The following SH2D3C variants were observed in gnomAD, a reference collection of about 807,000 sequenced individuals.
The protein encoded by SH2D3C is SH2 domain containing 3C.
In SH2D3C, 25 loss-of-function variants were observed where a neutral mutation model predicts 75.2. That is an observed-to-expected ratio of 0.33 (90% CI 0.24 to 0.46). The LOEUF is 0.46. Ranked by LOEUF, SH2D3C falls within the 20% of genes least tolerant of loss-of-function variation. The pLI is 1.00. For synonymous variants in SH2D3C, 450 were observed against 473.7 expected, an observed-to-expected ratio of 0.95 and a Z score of 0.65; for missense variants, 933 against 1,165.3, an observed-to-expected ratio of 0.80 and a Z score of 2.90.
chr9:127,747,143 A>T lies in SH2D3C; in HGVS notation c.1264+4T>A, dbSNP rs1222328062. On this transcript the variant is annotated splice_donor_region_variant and intron_variant, in intron 6 of 11. Transcript: ENST00000314830. ...ACCTGCTCCACCCCCTCTGCTGGCC[A>T]TACCAGTGCTGTAGGCAGGGGAGCT... 1.2e-6 allele frequency: 2 copies of T among 1,613,362 alleles called. No individual in the cohort carries two copies. The highest frequency in any genetic ancestry group is 4.5e-5 in the East Asian group (2 of 44,880).
At position 127,774,078 on chromosome 9, in the gene SH2D3C, C is replaced by T. The variant is rs1261772999; in HGVS notation, c.427G>A (p.Ala143Thr). 2 of 1,614,192 alleles carry T rather than the reference C, an allele frequency of 1.2e-6. No homozygotes were observed. The highest frequency in any genetic ancestry group is 2.2e-5 in the East Asian group (1 of 44,884). Residue 143 changes from alanine (A) to threonine (T), a missense_variant, in exon 2 of 12, where the codon GCA (alanine) becomes ACA (threonine). Physicochemically the swap from Ala to Thr is moderately conservative, Grantham distance 58. Transcript: ENST00000314830. The surrounding 1 kb of genome is among the most constrained non-coding windows in gnomAD (Gnocchi z 4.3). ...TTTCTGATGGGGTCTACCTCCACTG[C>T]TGAAGGGTTGGGTTCCATTGCTGGG... is the stretch of plus-strand genomic sequence containing the variant. ...DTPAMEPNPSAVEVDPIRKPE... is the reference protein window; with the variant it reads ...DTPAMEPNPSTVEVDPIRKPE...
chr9:127,771,744 G>A (rs192988043), intron 2 of SH2D3C, among the ~76,000 whole-genome samples: 14 of 152,356 alleles, frequency 9.2e-5, no homozygotes, highest in African/African-American at 3.1e-4. Flanking sequence ...CCATCATCAG[G>A]CCCTCTCAGC....
chr9:127,755,143 C>G, intron 3 of SH2D3C: 16 of 1,219,608 alleles, frequency 1.3e-5, no homozygotes, highest in Non-Finnish European at 1.6e-5. Context: ...ACTCCACAGG[C>G]TGCACCGCTC....
At chr9:127,759,034 C>A (rs4562433) in intron 3 of SH2D3C, among the ~76,000 whole-genome samples, 1 of 152,160 alleles carries the variant, frequency 6.6e-6, no homozygotes. Context: ...CTCACGGCCA[C>A]GGGCTCACTG....
At chr9:127,759,246 T>A (rs901588918) in intron 3 of SH2D3C, among the ~76,000 whole-genome samples, 1 of 152,210 alleles carries the variant, frequency 6.6e-6, no homozygotes, top group African/African-American at 2.4e-5. Flanking sequence ...GATGGAGTCT[T>A]GCTCTGTCGC....
intron 3 of SH2D3C, among the ~76,000 whole-genome samples, chr9:127,759,712 G>A (rs1332814765): frequency 6.6e-6 from 1 of 151,930 alleles, no homozygotes; most frequent in Non-Finnish European, 1.5e-5. Flanking sequence ...GGCCGGGCGT[G>A]GTGGCTCACG....
chr9:127,753,207 C>A (rs1188402216), intron 3 of SH2D3C, among the ~76,000 whole-genome samples: 1 of 152,084 alleles, frequency 6.6e-6, no homozygotes, highest in Non-Finnish European at 1.5e-5. Flanking sequence ...TTATGGAGAG[C>A]AGCCTAGGGT....
chr9:127,741,840 A>G lies in SH2D3C; in HGVS notation c.2036T>C (p.Met679Thr). ...IQLAAELRGT[M>T]GNMFSFAAVM... ...CGCCGCGAAGCTGAACATGTTGCCC[A>G]TAGTCCCCCGCAGCTCGGCCGCCAG... The change falls in exon 9 of 12, where the codon ATG becomes ACG. Residue 679 changes from methionine to threonine, a missense_variant. Physicochemically the swap from Met to Thr is moderately conservative, Grantham distance 81. Transcript: ENST00000314830. 6.2e-6 allele frequency: 10 copies of G among 1,613,426 alleles called. No individual in the cohort carries two copies. The highest frequency in any genetic ancestry group is 7.6e-6 in the Non-Finnish European group (9 of 1,180,036).
intron 5 of SH2D3C, among the ~76,000 whole-genome samples, 177 bp from the exon 6 acceptor site, chr9:127,747,448 G>C (rs146053757): frequency 6.5e-4 from 99 of 152,316 alleles, no homozygotes; most frequent in African/African-American, 2.1e-3. Context: ...GAGGGAGGGG[G>C]CACAGCGAGT....
At chr9:127,750,183 A>AC (rs1845159599) in intron 4 of SH2D3C, among the ~76,000 whole-genome samples, 1 of 146,716 alleles carries the variant, frequency 6.8e-6, no homozygotes, top group Non-Finnish European at 1.5e-5. Flanking sequence ...ATTATTATTA[A>AC]GATGGAGTCT....
chr9:127,769,441 G>A (rs142018061), intron 2 of SH2D3C, among the ~76,000 whole-genome samples: 61 of 152,166 alleles, frequency 4.0e-4, no homozygotes, highest in African/African-American at 1.3e-3. Context: ...TCAGGAGTTC[G>A]AGATCAGCCT....
At chr9:127,752,984 G>A (rs1845243106) in intron 3 of SH2D3C, among the ~76,000 whole-genome samples, 1 of 152,128 alleles carries the variant, frequency 6.6e-6, no homozygotes, top group African/African-American at 2.4e-5. Flanking sequence ...CAGGTGGACA[G>A]GTGGACAGGG....
intron 2 of SH2D3C, chr9:127,767,243 C>G: frequency 6.8e-7 from 1 of 1,471,906 alleles, no homozygotes; most frequent in Non-Finnish European, 9.0e-7. Context: ...GATGCTGGGC[C>G]CTGACAGCTG....
chr9:127,762,492 T>TCAG, intron 2 of SH2D3C: 1 of 472,762 alleles, frequency 2.1e-6, no homozygotes, highest in Non-Finnish European at 4.2e-6. Context: ...CTTCCCCGTC[T>TCAG]CAGCTGATGT....
rs1844971798 is a variant in SH2D3C at position 127,744,743 on chromosome 9, T to C, written c.1621A>G (p.Thr541Ala). 1 of 1,614,050 alleles carries C rather than the reference T, an allele frequency of 6.2e-7. No homozygotes were observed. Among genetic ancestry groups the C allele is most frequent in the South Asian group, 1.1e-5 (1 of 91,086 alleles). Residue 541 changes from threonine (T) to alanine (A), a missense_variant, in exon 7 of 12, where the codon ACC becomes GCC. Thr to Ala is a moderately conservative substitution (Grantham distance 58). Coordinates refer to ENST00000314830, the MANE Select transcript of SH2D3C (RefSeq NM_170600.3). ...ACTTCCACGATGGGGACTGTGAAGG[T>C]CTTGCCCCAGTCCCCTTCAGGGGCC... is the stretch of plus-strand genomic sequence containing the variant. ...NGAPEGDWGK[T>A]FTVPIVEVTS...
At chr9:127,760,857 A>G (rs1192391699) in intron 3 of SH2D3C, among the ~76,000 whole-genome samples, 1 of 151,592 alleles carries the variant, frequency 6.6e-6, no homozygotes, top group Non-Finnish European at 1.5e-5. Flanking sequence ...TCAAAACTGC[A>G]TTTTCTTTTT....
chr9:127,752,870 C>G (rs1845240000), intron 3 of SH2D3C, among the ~76,000 whole-genome samples: 1 of 152,128 alleles, frequency 6.6e-6, no homozygotes, highest in Non-Finnish European at 1.5e-5. Flanking sequence ...CACCACCAAA[C>G]TAGTCAGGGG....
At chr9:127,766,802 T>C in intron 2 of SH2D3C, 2 of 795,094 alleles carry the variant, frequency 2.5e-6, no homozygotes, top group Non-Finnish European at 3.9e-6. Context: ...ACTCCTGGCA[T>C]CAGGTGATCC....
intron 3 of SH2D3C, among the ~76,000 whole-genome samples, chr9:127,761,184 T>G (rs1248603697): frequency 1.3e-5 from 2 of 152,170 alleles, no homozygotes; most frequent in Non-Finnish European, 2.9e-5. Context: ...TAAATGAAGC[T>G]TTGGATAAAT....
Sources: allele counts gnomAD v4.1 joint callset (sites outside exome capture counted in the v4.1 genomes callset), GRCh38; gene constraint gnomAD v4.1.1; non-coding constraint Gnocchi (gnomAD v3.1); transcripts MANE v1.5; gene names NCBI Gene and HGNC (gene_info 2026-07-23, HGNC 2026-07-21).